The following HTT variants were observed in gnomAD, a reference collection of about 807,000 sequenced individuals.
The protein encoded by HTT is huntingtin.
Under a neutral mutation model 362.3 loss-of-function variants are expected in HTT, and 104 were observed. That is an observed-to-expected ratio of 0.29 (90% confidence interval 0.24 to 0.34). HTT has a LOEUF of 0.34. HTT is among the 10% of genes least tolerant of loss of function. The pLI is 1.00. For missense variants in HTT, 3,301 were observed against 3,928.6 expected, an observed-to-expected ratio of 0.84 and a Z score of 4.27; for synonymous variants, 1,577 against 1,548.7, an observed-to-expected ratio of 1.02 and a Z score of -0.43.
At chr4:3,155,185 A>G (rs1344620693) in intron 27 of HTT, among the ~76,000 whole-genome samples, 3 of 151,874 alleles carry the variant, frequency 2.0e-5, no homozygotes, top group Non-Finnish European at 4.4e-5. Context: ...TTGTGTATAT[A>G]GCATTTATAT....
chr4:3,233,306 C>T lies in HTT; in HGVS notation c.8409C>T (p.Ile2803=), dbSNP rs1560606293. ...DLLDDTAKQL[I]PVISDYLLSN... ...TGGACGACACTGCCAAGCAGCTCAT[C>T]CCGGTCATCAGCGACTATCTCCTCT... is the stretch of plus-strand genomic sequence containing the variant. Residue 2803 remains isoleucine, a synonymous_variant, in exon 61 of 67, where the codon ATC becomes ATT. Transcript: ENST00000355072. 6.2e-7 allele frequency: 1 copy of T among 1,609,254 alleles called. No individual in the cohort carries two copies. Among genetic ancestry groups the T allele is most frequent in the East Asian group, 2.2e-5 (1 of 44,732 alleles).
intron 56 of HTT, among the ~76,000 whole-genome samples, chr4:3,225,083 T>A (rs546418733): frequency 6.6e-6 from 1 of 150,502 alleles, no homozygotes; most frequent in South Asian, 2.1e-4. Flanking sequence ...TGGGGACATT[T>A]AGCGGGAGGC....
At chr4:3,193,930 T>TTG (rs1015218485) in intron 40 of HTT, among the ~76,000 whole-genome samples, 12 of 151,832 alleles carry the variant, frequency 7.9e-5, no homozygotes, top group Admixed American at 2.6e-4. Flanking sequence ...TGCAAGTAAG[T>TTG]TGTGTGTGTG....
chr4:3,075,382 C>T (rs1432485999), intron 1 of HTT, among the ~76,000 whole-genome samples: 1 of 152,236 alleles, frequency 6.6e-6, no homozygotes, highest in Non-Finnish European at 1.5e-5. Flanking sequence ...TCAGCCCTCT[C>T]GCCCTTCGCA....
intron 53 of HTT, among the ~76,000 whole-genome samples, chr4:3,220,729 G>A (rs1720633181): frequency 6.6e-6 from 1 of 152,126 alleles, no homozygotes; most frequent in Admixed American, 6.5e-5. Context: ...GGGAGCAGAT[G>A]GAGTCAGGTT....
intron 9 of HTT, 62 bp downstream of exon 9, chr4:3,121,494 T>C: frequency 1.8e-6 from 2 of 1,140,228 alleles, no homozygotes; most frequent in Non-Finnish European, 2.6e-6. Context: ...TTACACTCTA[T>C]TGATTATGGG....
intron 37 of HTT, among the ~76,000 whole-genome samples, chr4:3,183,509 GT>G (rs1718620999): frequency 6.6e-6 from 1 of 152,208 alleles, no homozygotes; most frequent in South Asian, 2.1e-4. Context: ...GTAGTCCGTG[GT>G]TTTTGGCATT....
At chr4:3,164,584 C>G (rs946339868) in intron 29 of HTT, among the ~76,000 whole-genome samples, 4 of 152,108 alleles carry the variant, frequency 2.6e-5, no homozygotes, top group Admixed American at 2.6e-4. Context: ...TAAGAACTTG[C>G]TTCATGAATC....
At chr4:3,133,324 TA>T (rs61554059) in intron 18 of HTT, among the ~76,000 whole-genome samples, 3,457 of 118,702 alleles carry the variant, frequency 0.029, 79 homozygotes, top group African/African-American at 0.075. Context: ...TACAGAAAAT[TA>T]AAAAAAAAAA....
intron 14 of HTT, 98 bp downstream of exon 14, chr4:3,130,521 T>A (rs363087): frequency 0.049 from 32,133 of 651,740 alleles, 1,107 homozygotes; most frequent in African/African-American, 0.13. Flanking sequence ...TTCCCATCCC[T>A]GGGCCTTTAA....
chr4:3,173,225 G>A (rs1718075177), intron 31 of HTT, 94 bp downstream of exon 31: 4 of 942,566 alleles, frequency 4.2e-6, no homozygotes, highest in East Asian at 4.9e-5. Context: ...AAATGTTAGC[G>A]AACATCTTCT....
intron 47 of HTT, among the ~76,000 whole-genome samples, chr4:3,211,492 A>G (rs1232143616): frequency 6.6e-6 from 1 of 152,190 alleles, no homozygotes; most frequent in Non-Finnish European, 1.5e-5. Flanking sequence ...CATTTTTCCA[A>G]CCAAAATTTT....
In HTT at chr4:3,074,811, G is replaced by T; in HGVS notation, c.-15G>T. The T allele has an allele frequency of 1.3e-6, 2 of 1,512,346 alleles. No individual in the cohort carries two copies. Among genetic ancestry groups the T allele is most frequent in the South Asian group, 1.2e-5 (1 of 82,192 alleles). The allele number at this position is 1,512,346 out of a possible 1,614,324, so 93.7% of individuals were successfully genotyped here. ...CGAGGCCTCCGGGGACTGCCGTGCC[G>T]GGCGGGAGACCGCCATGGCGACCCT... On this transcript the variant is annotated 5_prime_UTR_variant, in exon 1 of 67. Coordinates refer to ENST00000355072, the MANE Select transcript of HTT (RefSeq NM_001388492.1).
intron 60 of HTT, 82 bp from the exon 61 acceptor site, chr4:3,233,081 C>CATTAAAAAA: frequency 8.4e-7 from 1 of 1,196,920 alleles, no homozygotes; most frequent in Non-Finnish European, 1.2e-6. Flanking sequence ...GTGAGGGCAG[C>CATTAAAAAA]GCCCCCGCCT....
In HTT at chr4:3,164,329, G is replaced by T. The variant is rs561501949; in HGVS notation, c.3864+3937G>T. Among the ~76,000 whole-genome samples, 4 of 152,300 alleles carry T rather than the reference G, an allele frequency of 2.6e-5. No individual in the cohort carries two copies. The South Asian group carries it at 8.3e-4, about 32-fold the overall frequency. On this transcript the variant is annotated intron_variant, in intron 29 of 66. Transcript: ENST00000355072. The stretch of plus-strand genomic sequence containing the variant: ...TTTCTGTTCTTTTACATTTGCTGAG[G>T]AGTGTTTTACTTCCAACTATGTGGT...
chr4:3,150,600 C>T (rs1364382517), intron 26 of HTT, among the ~76,000 whole-genome samples: 1 of 152,214 alleles, frequency 6.6e-6, no homozygotes, highest in African/African-American at 2.4e-5. Flanking sequence ...AAACAGGTCA[C>T]CACAAGTCTT....
At chr4:3,096,313 A>G (rs964149265) in intron 2 of HTT, among the ~76,000 whole-genome samples, 2 of 152,238 alleles carry the variant, frequency 1.3e-5, no homozygotes, top group Non-Finnish European at 2.9e-5. Context: ...GATTTGTAGA[A>G]CACGTAGCCA....
chr4:3,087,169 G>T, intron 2 of HTT, 147 bp downstream of exon 2: 3 of 517,142 alleles, frequency 5.8e-6, no homozygotes, highest in South Asian at 3.5e-5. Flanking sequence ...CCATATTTCT[G>T]GCTATATACA....
chr4:3,168,557 C>T (rs1717819457), intron 29 of HTT, among the ~76,000 whole-genome samples: 2 of 152,110 alleles, frequency 1.3e-5, no homozygotes, highest in African/African-American at 4.8e-5. Flanking sequence ...CTTATTTATT[C>T]CATACTCATT....
Sources: allele counts gnomAD v4.1 joint callset (sites outside exome capture counted in the v4.1 genomes callset), GRCh38; gene constraint gnomAD v4.1.1; transcripts MANE v1.5; gene names NCBI Gene and HGNC (gene_info 2026-07-23, HGNC 2026-07-21).